LRRC75A: variants seen among roughly 807,000 people sequenced by gnomAD.
The protein encoded by LRRC75A is leucine rich repeat containing 75A.
In LRRC75A, 12 loss-of-function variants were observed where a neutral mutation model predicts 26.0. That is an observed-to-expected ratio of 0.46 (90% CI 0.30 to 0.75). The LOEUF (loss-of-function observed/expected upper bound fraction) is 0.75, where lower values mean the gene tolerates loss of function less well. Among genes scored for constraint, LRRC75A ranks in the 30% least tolerant of loss-of-function variants. The pLI is 0.08. For missense variants in LRRC75A, 410 were observed against 486.6 expected, an observed-to-expected ratio of 0.84 and a Z score of 1.48; for synonymous variants, 223 against 219.3, an observed-to-expected ratio of 1.02 and a Z score of -0.15.
intron 1 of LRRC75A, among the ~76,000 whole-genome samples, chr17:16,489,846 G>T (rs894789933): frequency 6.6e-6 from 1 of 152,164 alleles, no homozygotes; most frequent in African/African-American, 2.4e-5. Context: ...AGAAAAGGGG[G>T]AAGTCTGATA....
chr17:16,481,604 G>A (rs1362651508), intron 1 of LRRC75A, among the ~76,000 whole-genome samples: 1 of 152,090 alleles, frequency 6.6e-6, no homozygotes, highest in Admixed American at 6.5e-5. Context: ...AGGATTCACT[G>A]GCTACCCCCT....
intron 1 of LRRC75A, among the ~76,000 whole-genome samples, chr17:16,474,316 G>A (rs1206236062): frequency 6.6e-6 from 1 of 152,212 alleles, no homozygotes; most frequent in Non-Finnish European, 1.5e-5. Flanking sequence ...AGAGGGACTT[G>A]GACCAAATAG....
rs956879653 is a variant in LRRC75A at position 16,443,446 on chromosome 17, T to C, written c.*142A>G. The C allele has an allele frequency of 2.0e-4, 131 of 669,110 alleles. 1 individual carries two copies. The highest frequency in any genetic ancestry group is 1.7e-3 in the Middle Eastern group (4 of 2,396). The allele number at this position is 669,110 out of a possible 1,614,324, so 41.4% of individuals were successfully genotyped here. On this transcript the variant is annotated 3_prime_UTR_variant, in exon 4 of 4. Coordinates refer to ENST00000470794, the MANE Select transcript of LRRC75A (RefSeq NM_001113567.3). Reference sequence around the variant, plus strand: ...CACAAATCCCCTTCCCCAGATGATATGGTTTGCCTTTCTGTAGGTGGGTGG... The same window carrying C: ...CACAAATCCCCTTCCCCAGATGATACGGTTTGCCTTTCTGTAGGTGGGTGG...
intron 2 of LRRC75A, among the ~76,000 whole-genome samples, chr17:16,460,192 A>G (rs1568966616): frequency 6.6e-6 from 1 of 152,206 alleles, no homozygotes; most frequent in Non-Finnish European, 1.5e-5. Flanking sequence ...GTCACCAACC[A>G]GGCTGGCACC....
At chr17:16,479,938 A>C (rs1290935243) in intron 1 of LRRC75A, among the ~76,000 whole-genome samples, 1 of 152,234 alleles carries the variant, frequency 6.6e-6, no homozygotes, top group East Asian at 1.9e-4. Flanking sequence ...AGCAGGCTGC[A>C]CAGCAGGACG....
chr17:16,482,181 A>C (rs2143416293), intron 1 of LRRC75A, among the ~76,000 whole-genome samples: 1 of 152,212 alleles, frequency 6.6e-6, no homozygotes, highest in African/African-American at 2.4e-5. Context: ...ATAGACAGAA[A>C]CTAAGGGCAG....
At chr17:16,448,316 C>A in intron 2 of LRRC75A, 1 of 307,582 alleles carries the variant, frequency 3.3e-6, no homozygotes, top group South Asian at 2.9e-5. Flanking sequence ...TGTGCATTCT[C>A]TTGCTCAGCA....
chr17:16,445,006 GC>G (rs1346870476), intron 3 of LRRC75A, among the ~76,000 whole-genome samples: 1 of 151,234 alleles, frequency 6.6e-6, no homozygotes, highest in Non-Finnish European at 1.5e-5. Flanking sequence ...CTGCCACCAC[GC>G]CTGGCTAATT....
chr17:16,484,805 A>G (rs2093842591), intron 1 of LRRC75A, among the ~76,000 whole-genome samples: 2 of 151,712 alleles, frequency 1.3e-5, no homozygotes, highest in African/African-American at 4.9e-5. Flanking sequence ...GCCCCAACAC[A>G]CTCACATACG....
At chr17:16,471,870 A>G (rs1428070953) in intron 1 of LRRC75A, among the ~76,000 whole-genome samples, 1 of 152,176 alleles carries the variant, frequency 6.6e-6, no homozygotes, top group African/African-American at 2.4e-5. Context: ...AAAGTACTCA[A>G]ATTCACAGAG....
intron 1 of LRRC75A, among the ~76,000 whole-genome samples, chr17:16,486,603 C>T (rs2093847616): frequency 6.6e-6 from 1 of 152,192 alleles, no homozygotes; most frequent in Non-Finnish European, 1.5e-5. Context: ...AATGTGGAGG[C>T]CAGACTCTCC....
intron 2 of LRRC75A, among the ~76,000 whole-genome samples, chr17:16,459,639 C>G (rs2093712289): frequency 6.6e-6 from 1 of 152,194 alleles, no homozygotes; most frequent in Non-Finnish European, 1.5e-5. Context: ...GTGTAGTATC[C>G]AATTTACCTT....
At position 16,491,893 on chromosome 17, in the gene LRRC75A, A is replaced by AGCG; in HGVS notation, c.95_97dup (p.Ser32_Leu33insPro). The AGCG allele has an allele frequency of 1.5e-6, 2 of 1,324,970 alleles. No homozygotes were observed. Among genetic ancestry groups the AGCG allele is most frequent in the Non-Finnish European group, 1.9e-6 (2 of 1,037,690 alleles). The allele number at this position is 1,324,970 out of a possible 1,614,324, so 82.1% of individuals were successfully genotyped here. A position where few individuals can be genotyped will look rare whatever the true frequency, so the allele number is the denominator to read the frequency against. ...CGCCTTGTCCCCGGCGCGCAGCAGC[A>AGCG]GCGACGCCCAGAAGTCCGGCCGTTC... On this transcript the variant is annotated inframe_insertion, in exon 1 of 4. Transcript: ENST00000470794. This position sits in a 1 kb window ranked among gnomAD's most constrained non-coding sequence, Gnocchi z 5.9.
intron 2 of LRRC75A, among the ~76,000 whole-genome samples, chr17:16,452,432 A>AT (rs34922220): frequency 1.7e-3 from 245 of 144,964 alleles, no homozygotes; most frequent in Middle Eastern, 7.0e-3. Flanking sequence ...AGGCACAGGG[A>AT]TTTTTTTTTT....
At chr17:16,477,409 C>T (rs1437771159) in intron 1 of LRRC75A, among the ~76,000 whole-genome samples, 1 of 152,054 alleles carries the variant, frequency 6.6e-6, no homozygotes, top group Admixed American at 6.5e-5. Context: ...TCTGGGTGAG[C>T]AGAGATGAGT....
chr17:16,483,743 C>A (rs1012309286), intron 1 of LRRC75A, among the ~76,000 whole-genome samples: 6 of 152,170 alleles, frequency 3.9e-5, no homozygotes, highest in African/African-American at 1.2e-4. Context: ...AGCCTCCCTT[C>A]TGTGCCACGC....
chr17:16,486,735 G>A (rs909352100), intron 1 of LRRC75A, among the ~76,000 whole-genome samples: 4 of 152,152 alleles, frequency 2.6e-5, no homozygotes, highest in African/African-American at 4.8e-5. Context: ...GAACACCACC[G>A]CCTGGCAGGC....
intron 2 of LRRC75A, among the ~76,000 whole-genome samples, chr17:16,455,325 G>A (rs115330071): frequency 0.015 from 2,309 of 152,064 alleles, 57 homozygotes; most frequent in African/African-American, 0.052. Flanking sequence ...TCTGGTTATA[G>A]GAGTGTCAGC....
intron 1 of LRRC75A, among the ~76,000 whole-genome samples, chr17:16,472,976 C>A (rs1216611611): frequency 6.6e-6 from 1 of 152,084 alleles, no homozygotes; most frequent in Non-Finnish European, 1.5e-5. Flanking sequence ...AAGTTATAAA[C>A]CCCCTACCCT....
Sources: allele counts gnomAD v4.1 joint callset (sites outside exome capture counted in the v4.1 genomes callset), GRCh38; gene constraint gnomAD v4.1.1; non-coding constraint Gnocchi (gnomAD v3.1); transcripts MANE v1.5; gene names NCBI Gene and HGNC (gene_info 2026-07-23, HGNC 2026-07-21).